The following BRINP3 variants were observed in gnomAD, a reference collection of about 807,000 sequenced individuals.
The protein encoded by BRINP3 is BMP/retinoic acid inducible neural specific 3, also known as BMP/retinoic acid-inducible neural-specific protein 3.
Under a neutral mutation model 71.0 loss-of-function variants are expected in BRINP3, and 19 were observed. The observed-to-expected ratio is 0.27, with a 90% CI of 0.19 to 0.39. The LOEUF (loss-of-function observed/expected upper bound fraction) is 0.39. Among genes scored for constraint, BRINP3 ranks in the 10% least tolerant of loss-of-function variants. The pLI, the probability that BRINP3 is intolerant of heterozygous loss-of-function variation, is 1.00. For synonymous variants in BRINP3, 380 were observed against 337.7 expected (o/e 1.13, Z -1.37); for missense variants, 959 against 940.8 (o/e 1.02, Z -0.25).
At chr1:190,195,937 C>T (rs946581074) in intron 6 of BRINP3, among the ~76,000 whole-genome samples, 5 of 151,990 alleles carry the variant, frequency 3.3e-5, no homozygotes, top group African/African-American at 1.2e-4. Context: ...TTATCAAAAA[C>T]CTCATATTTG....
At chr1:190,345,707 T>C (rs1475411135) in intron 2 of BRINP3, among the ~76,000 whole-genome samples, 1 of 131,018 alleles carries the variant, frequency 7.6e-6, no homozygotes, top group Non-Finnish European at 1.6e-5. Flanking sequence ...AATAGCCATT[T>C]ACCTTCAGAA....
rs577609265 is a variant in BRINP3, at chr1:190,368,001, C to T, written c.237-86251G>A. On this transcript the variant is annotated intron_variant, in intron 2 of 7. Transcript: ENST00000367462. ...CCCTCCAAACTGTTTCAACCTCTGC[C>T]TGTCATCCAGTTCCAAAGTTACTTC... Among the ~76,000 whole-genome samples, 24 of 152,282 alleles carry T rather than the reference C, an allele frequency of 1.6e-4. No individual in the cohort carries two copies. The South Asian group carries it at 5.0e-3, about 32-fold the overall frequency.
intron 2 of BRINP3, among the ~76,000 whole-genome samples, chr1:190,442,250 T>C (rs1674872879): frequency 6.6e-6 from 1 of 152,212 alleles, no homozygotes; most frequent in Non-Finnish European, 1.5e-5. Context: ...TAATGAGGTA[T>C]GTTTATTTAA....
intron 2 of BRINP3, among the ~76,000 whole-genome samples, chr1:190,326,430 A>T (rs1666582051): frequency 6.6e-6 from 1 of 152,120 alleles, no homozygotes; most frequent in Non-Finnish European, 1.5e-5. Flanking sequence ...AGAGGTAGAC[A>T]GTCAGATAGA....
At chr1:190,296,581 A>T (rs896267655) in intron 2 of BRINP3, among the ~76,000 whole-genome samples, 4 of 152,126 alleles carry the variant, frequency 2.6e-5, no homozygotes, top group Non-Finnish European at 4.4e-5. Context: ...GAATTTAGGC[A>T]AGAAAAATAA....
Position 190,187,599 on chromosome 1 carries a change from A to G in BRINP3, c.962-26709T>C, listed in dbSNP as rs113529855. Among the ~76,000 whole-genome samples the G allele has an allele frequency of 3.6e-3, 542 of 152,212 alleles. 4 individuals are homozygous for G. The highest frequency in any genetic ancestry group is 0.012 in the African/African-American group (512 of 41,566). ...TCTAATTTTATTCTTTTCTGTACAGATGTTCAGTTTTCCCAACACTATTTA... is the reference window on the plus strand; with the variant it reads ...TCTAATTTTATTCTTTTCTGTACAGGTGTTCAGTTTTCCCAACACTATTTA... On this transcript the variant is annotated intron_variant, in intron 6 of 7. Transcript: ENST00000367462.
In BRINP3 at chr1:190,401,333, G is replaced by C. The variant is rs571022704; in HGVS notation, c.236+53322C>G. ...AGATGAAGCCACTGCTCTCCAGCCT[G>C]GGCAACAGAACCAGGCACCAGGCAC... On this transcript the variant is annotated intron_variant, in intron 2 of 7. Coordinates refer to ENST00000367462, the MANE Select transcript of BRINP3 (RefSeq NM_199051.3). Among the ~76,000 whole-genome samples, 23 of 147,202 alleles carry C rather than the reference G, an allele frequency of 1.6e-4. No individual in the cohort carries two copies. The South Asian group carries it at 5.0e-3, about 32-fold the overall frequency.
At chr1:190,378,083 A>T (rs1670295242) in intron 2 of BRINP3, among the ~76,000 whole-genome samples, 1 of 152,146 alleles carries the variant, frequency 6.6e-6, no homozygotes, top group African/African-American at 2.4e-5. Flanking sequence ...AAAGAAGGAA[A>T]CAAAGTTGGT....
chr1:190,223,703 A>C (rs1433195368), intron 6 of BRINP3, among the ~76,000 whole-genome samples: 2 of 151,896 alleles, frequency 1.3e-5, no homozygotes, highest in African/African-American at 4.8e-5. Flanking sequence ...ACTAAATAAA[A>C]AGCATAAAAA....
chr1:190,140,248 A>G (rs932266339), intron 7 of BRINP3, among the ~76,000 whole-genome samples: 2 of 152,222 alleles, frequency 1.3e-5, no homozygotes, highest in African/African-American at 4.8e-5. Context: ...GCGAATCTAT[A>G]CAAACACTTT....
chr1:190,254,612 C>A lies in BRINP3; in HGVS notation c.618+10253G>T, dbSNP rs540608656. On this transcript the variant is annotated intron_variant, in intron 4 of 7. Transcript: ENST00000367462. ...TGTATAGGAATGCTTGTGATTTTTG[C>A]ACATTGATTTTGTATCCTGAGACTT... Among the ~76,000 whole-genome samples the A allele has an allele frequency of 3.8e-4, 58 of 152,164 alleles. 1 individual carries two copies. In the South Asian group the frequency reaches 0.012, roughly 31 times the overall value.
At position 190,160,889 on chromosome 1, in the gene BRINP3, A is replaced by G; in HGVS notation, c.963T>C (p.Asp321=). 1 of 1,585,192 alleles carries G rather than the reference A, an allele frequency of 6.3e-7. No homozygotes were observed. Among genetic ancestry groups the G allele is most frequent in the Non-Finnish European group, 8.6e-7 (1 of 1,164,878 alleles). ...KAYNSDFEES[D]EFKLFMKRLP... is the part of the protein sequence containing the mutation. ...GCCTTTTCATAAATAACTTGAATTC[A>G]TCTGAAAAATGTCAAAATTCAACAC... The change falls in exon 7 of 8, where the codon GAT becomes GAC. Residue 321 remains aspartate (D), a splice_region_variant and synonymous_variant. Coordinates refer to ENST00000367462, the MANE Select transcript of BRINP3 (RefSeq NM_199051.3).
chr1:190,169,344 T>A (rs1651817593), intron 6 of BRINP3, among the ~76,000 whole-genome samples: 1 of 152,152 alleles, frequency 6.6e-6, no homozygotes, highest in African/African-American at 2.4e-5. Flanking sequence ...ATGACTTCAG[T>A]GATCTGTATT....
At position 190,121,052 on chromosome 1, in the gene BRINP3, C is replaced by G. The variant is rs1653607776; in HGVS notation, c.1185-21918G>C. 2.0e-5 allele frequency among the ~76,000 whole-genome samples: 3 copies of G among 151,848 alleles called. No homozygotes were observed. The South Asian group carries it at 6.2e-4, about 32-fold the overall frequency. On this transcript the variant is annotated intron_variant, in intron 7 of 7. Transcript: ENST00000367462. ...TGGTATAGCACAACATGTTGTCAAC[C>G]AAAGTGAAAATGCCAAAAAATAAAA... is the stretch of plus-strand genomic sequence containing the variant.
intron 6 of BRINP3, among the ~76,000 whole-genome samples, chr1:190,211,259 C>A (rs953812252): frequency 6.6e-6 from 1 of 152,088 alleles, no homozygotes; most frequent in Non-Finnish European, 1.5e-5. Flanking sequence ...GAGCAAGACT[C>A]CATCTCAAAA....
At chr1:190,263,253 A>G (rs1661350011) in intron 4 of BRINP3, among the ~76,000 whole-genome samples, 1 of 152,166 alleles carries the variant, frequency 6.6e-6, no homozygotes, top group African/African-American at 2.4e-5. Flanking sequence ...AAAATTTTTA[A>G]ATTAACTGAA....
intron 2 of BRINP3, among the ~76,000 whole-genome samples, chr1:190,302,059 C>A (rs937938556): frequency 6.0e-5 from 9 of 151,254 alleles, no homozygotes; most frequent in Non-Finnish European, 8.9e-5. Flanking sequence ...AGTTAATCCA[C>A]ATACTCCCAA....
intron 2 of BRINP3, among the ~76,000 whole-genome samples, chr1:190,305,845 T>C (rs1329699896): frequency 6.6e-6 from 1 of 151,864 alleles, no homozygotes; most frequent in African/African-American, 2.4e-5. Context: ...GATATGCTAA[T>C]TATCCTGATT....
chr1:190,193,930 C>A (rs1654261863), intron 6 of BRINP3, among the ~76,000 whole-genome samples: 1 of 152,046 alleles, frequency 6.6e-6, no homozygotes, highest in Admixed American at 6.6e-5. Flanking sequence ...TAACACTAAC[C>A]AACTTTCCCC....
Sources: allele counts gnomAD v4.1 joint callset (sites outside exome capture counted in the v4.1 genomes callset), GRCh38; gene constraint gnomAD v4.1.1; transcripts MANE v1.5; gene names NCBI Gene and HGNC (gene_info 2026-07-23, HGNC 2026-07-21).